Variants in CHL1 observed in about 807,000 individuals in gnomAD.
CHL1 encodes cell adhesion molecule L1 like.
CHL1 carries 96 observed loss-of-function variants against 141.9 expected under a neutral mutation model. The observed-to-expected ratio is 0.68, with a 90% CI of 0.57 to 0.80. The LOEUF (loss-of-function observed/expected upper bound fraction) is 0.80, where lower values mean the gene tolerates loss of function less well. Among genes scored for constraint, CHL1 ranks in the 30% least tolerant of loss-of-function variants. The pLI, the probability that CHL1 is intolerant of heterozygous loss-of-function variation, is 0.00. For missense variants in CHL1, 1,820 were observed against 1,457.2 expected (o/e 1.25, Z -4.05); for synonymous variants, 613 against 502.2 (o/e 1.22, Z -2.95).
rs572123480 is a variant in CHL1 at position 395,875 on chromosome 3, G to GA, written c.3094+1007dup. Among the ~76,000 whole-genome samples the GA allele has an allele frequency of 8.4e-3, 1,273 of 152,240 alleles. 9 individuals carry two copies. Among genetic ancestry groups the GA allele is most frequent in the Middle Eastern group, 0.031 (9 of 294 alleles). The stretch of plus-strand genomic sequence containing the variant: ...CATCACAGAGGGGAAAAATAGTAGA[G>GA]AAAATGCAGTTGCCTATTATTTATT... On this transcript the variant is annotated intron_variant, in intron 24 of 27. Coordinates refer to ENST00000256509, the MANE Select transcript of CHL1 (RefSeq NM_006614.4).
At chr3:238,466 C>G (rs1217559874) in intron 1 of CHL1, among the ~76,000 whole-genome samples, 1 of 152,018 alleles carries the variant, frequency 6.6e-6, no homozygotes, top group Non-Finnish European at 1.5e-5. Flanking sequence ...GCATACACAT[C>G]TATGTAGAAT....
chr3:277,489 T>G (rs562250063), intron 2 of CHL1, among the ~76,000 whole-genome samples: 42 of 152,290 alleles, frequency 2.8e-4, no homozygotes, highest in African/African-American at 8.9e-4. Flanking sequence ...ATATTTTCAT[T>G]TTCTCTTTCT....
intron 2 of CHL1, among the ~76,000 whole-genome samples, chr3:294,096 A>C (rs574983887): frequency 6.6e-6 from 1 of 151,966 alleles, no homozygotes; most frequent in Non-Finnish European, 1.5e-5. Context: ...AGGCAGGCAG[A>C]TCGGTTGAGC....
intron 2 of CHL1, chr3:247,620 G>A (rs185351529): frequency 6.6e-6 from 1 of 151,976 alleles, no homozygotes; most frequent in Admixed American, 6.6e-5. Context: ...TTGCCTCTCT[G>A]GATCCTGCTA....
intron 2 of CHL1, among the ~76,000 whole-genome samples, chr3:256,173 G>A (rs933624288): frequency 1.7e-4 from 23 of 138,352 alleles, no homozygotes; most frequent in African/African-American, 6.0e-4. Flanking sequence ...CTGACAAAGA[G>A]ATGAAACATG....
chr3:286,343 G>A (rs1362297978), intron 2 of CHL1, among the ~76,000 whole-genome samples: 3 of 152,152 alleles, frequency 2.0e-5, no homozygotes, highest in Non-Finnish European at 4.4e-5. Flanking sequence ...GGGCATGGTG[G>A]CTCATGCCTG....
At position 382,279 on chromosome 3, in the gene CHL1, C is replaced by G. The variant is rs771992179; in HGVS notation, c.1977C>G (p.Ser659Arg). Residue 659 changes from serine to arginine, a missense_variant and splice_region_variant, in exon 17 of 28, where the codon AGC becomes AGG. Ser to Arg is a moderately radical substitution (Grantham distance 110). Coordinates refer to ENST00000256509, the MANE Select transcript of CHL1 (RefSeq NM_006614.4). ...EAGADHNSNI[S>R]EYIVEFEGNK... ...GAGCTGACCACAACAGCAATATTAGCGGTAGGAAGACTTGGGATAACTGTT... is the reference window on the plus strand; with the variant it reads ...GAGCTGACCACAACAGCAATATTAGGGGTAGGAAGACTTGGGATAACTGTT... 18 of 1,611,680 alleles carry G rather than the reference C, an allele frequency of 1.1e-5. No homozygotes were observed. The highest frequency in any genetic ancestry group is 1.7e-5 in the Admixed American group (1 of 59,882).
At chr3:314,752 A>G (rs1700037156) in intron 2 of CHL1, among the ~76,000 whole-genome samples, 1 of 152,056 alleles carries the variant, frequency 6.6e-6, no homozygotes, top group Admixed American at 6.6e-5. Flanking sequence ...TCAGAGACAG[A>G]GAGAAAGAGG....
chr3:387,416 G>C (rs1707838955), intron 19 of CHL1, among the ~76,000 whole-genome samples: 1 of 152,156 alleles, frequency 6.6e-6, no homozygotes, highest in South Asian at 2.1e-4. Flanking sequence ...AATGTCTGAG[G>C]CTCAGTAGGC....
chr3:361,276 A>C (rs969864168), intron 12 of CHL1, among the ~76,000 whole-genome samples: 1 of 149,434 alleles, frequency 6.7e-6, no homozygotes, highest in East Asian at 2.0e-4. Context: ...CCCTAGAAGA[A>C]AACCTAGGCA....
chr3:334,438 T>C (rs1276244412), intron 5 of CHL1, among the ~76,000 whole-genome samples: 1 of 152,182 alleles, frequency 6.6e-6, no homozygotes, highest in Admixed American at 6.5e-5. Flanking sequence ...TTGCAGTCAC[T>C]CTCTGTTCCC....
intron 1 of CHL1, among the ~76,000 whole-genome samples, chr3:236,354 CTGAG>C (rs1467044880): frequency 1.3e-5 from 2 of 152,238 alleles, no homozygotes; most frequent in Non-Finnish European, 2.9e-5. Flanking sequence ...CCCAAAGTGT[CTGAG>C]TGTTACTGAT....
chr3:202,565 T>C (rs570123021), intron 1 of CHL1, among the ~76,000 whole-genome samples: 1 of 152,354 alleles, frequency 6.6e-6, no homozygotes, highest in South Asian at 2.1e-4. Context: ...ACTAGAAATC[T>C]GGATTTTTGA....
At chr3:379,651 G>T (rs1288331746) in intron 16 of CHL1, among the ~76,000 whole-genome samples, 1 of 151,930 alleles carries the variant, frequency 6.6e-6, no homozygotes, top group African/African-American at 2.4e-5. Flanking sequence ...TCATTCTTGC[G>T]ATTAGGCTGC....
chr3:396,639 A>G (rs1398038798), intron 24 of CHL1, among the ~76,000 whole-genome samples: 1 of 152,136 alleles, frequency 6.6e-6, no homozygotes, highest in Non-Finnish European at 1.5e-5. Flanking sequence ...GCATGTCTTA[A>G]AGAACATTTC....
intron 2 of CHL1, among the ~76,000 whole-genome samples, chr3:287,041 C>A: frequency 6.6e-6 from 1 of 152,132 alleles, no homozygotes; most frequent in Non-Finnish European, 1.5e-5. Context: ...CCTATCTCAT[C>A]CTCTGACTTA....
chr3:225,604 A>ACC (rs1170889038), intron 1 of CHL1, among the ~76,000 whole-genome samples: 1 of 83,110 alleles, frequency 1.2e-5, no homozygotes, highest in Non-Finnish European at 2.7e-5. Context: ...GTTCAATTAC[A>ACC]CAGACGTATA....
intron 2 of CHL1, chr3:246,931 T>G (rs1032477599): frequency 1.3e-5 from 2 of 152,102 alleles, no homozygotes; most frequent in African/African-American, 4.8e-5. Context: ...TGATAAAACA[T>G]GTGCTGTGTG....
At chr3:349,951 C>G (rs186425314) in intron 10 of CHL1, among the ~76,000 whole-genome samples, 37 of 150,140 alleles carry the variant, frequency 2.5e-4, no homozygotes, top group African/African-American at 8.7e-4. Flanking sequence ...ACTTGCTGTG[C>G]CCTTTGCCAT....
Sources: allele counts gnomAD v4.1 joint callset (sites outside exome capture counted in the v4.1 genomes callset), GRCh38; gene constraint gnomAD v4.1.1; transcripts MANE v1.5; gene names NCBI Gene and HGNC (gene_info 2026-07-23, HGNC 2026-07-21).